The following ABCC2 variants were observed in gnomAD, a reference collection of about 807,000 sequenced individuals.
ABCC2 encodes the protein ATP-binding cassette sub-family C member 2.
Under a neutral mutation model 173.4 loss-of-function variants are expected in ABCC2, and 157 were observed. The observed-to-expected ratio is 0.91, with a 90% CI of 0.80 to 1.03. The LOEUF is 1.03. Among genes scored for constraint, ABCC2 ranks in the 50% least tolerant of loss-of-function variants. The pLI, the probability that ABCC2 is intolerant of heterozygous loss-of-function variation, is 0.00. For missense variants in ABCC2, 1,822 were observed against 1,852.3 expected (o/e 0.98, Z 0.30); for synonymous variants, 657 against 693.5 (o/e 0.95, Z 0.83).
chr10:99,803,965 T>C (rs2038053342), intron 9 of ABCC2, 54 bp from the exon 10 acceptor site: 5 of 1,610,810 alleles, frequency 3.1e-6, no homozygotes, highest in Middle Eastern at 3.5e-4. Context: ...CCTCTTCTAC[T>C]CCCTAGTATC....
chr10:99,836,036 ATGG>A (rs1261922825), intron 24 of ABCC2, 52 bp from the exon 25 acceptor site: 1 of 1,565,084 alleles, frequency 6.4e-7, no homozygotes, highest in African/African-American at 1.4e-5. Flanking sequence ...AAGGAGGAAG[ATGG>A]TGGATGCCTC....
At chr10:99,801,451 T>C (rs192868706) in intron 9 of ABCC2, among the ~76,000 whole-genome samples, 3 of 152,154 alleles carry the variant, frequency 2.0e-5, no homozygotes, top group African/African-American at 7.2e-5. Flanking sequence ...TTAGCCAGGA[T>C]GGTCTCGATC....
chr10:99,842,199 G>C (rs746131124), intron 26 of ABCC2, 106 bp downstream of exon 26: 166 of 1,519,426 alleles, frequency 1.1e-4, no homozygotes, highest in Non-Finnish European at 1.5e-4. Context: ...TAAACCCAGA[G>C]GGACTAAAGA....
intron 19 of ABCC2, among the ~76,000 whole-genome samples, chr10:99,825,951 C>G (rs2038631446): frequency 6.6e-6 from 1 of 152,176 alleles, no homozygotes; most frequent in African/African-American, 2.4e-5. Flanking sequence ...TGGGAATGCC[C>G]CAGTTTGTTG....
At chr10:99,824,150 G>A (rs1424977524) in intron 19 of ABCC2, among the ~76,000 whole-genome samples, 6 of 151,830 alleles carry the variant, frequency 4.0e-5, no homozygotes, top group East Asian at 1.9e-4. Context: ...TACTATTTAC[G>A]TCTGAGTCTC....
At position 99,810,178 on chromosome 10, in the gene ABCC2, T is replaced by A. The variant is rs141413284; in HGVS notation, c.1860T>A (p.Asp620Glu). The change falls in exon 14 of 32, where the codon GAT becomes GAA. Residue 620 changes from aspartate (D) to glutamate (E), a missense_variant. Asp to Glu is a conservative substitution (Grantham distance 45). Coordinates refer to ENST00000647814, the MANE Select transcript of ABCC2 (RefSeq NM_000392.5). ...TERLEKYLGG[D>E]DLDTSAIRHD... ...GGCTAGAGAAGTACTTGGGAGGGGATGACTTGGACACATCTGCCATTCGAC... is the reference window on the plus strand; with the variant it reads ...GGCTAGAGAAGTACTTGGGAGGGGAAGACTTGGACACATCTGCCATTCGAC... 1.1e-3 allele frequency: 1,755 copies of A among 1,613,660 alleles called. 1 individual carries two copies. The highest frequency in any genetic ancestry group is 1.4e-3 in the Non-Finnish European group (1,629 of 1,179,612).
chr10:99,833,933 A>G (rs1366732779), intron 23 of ABCC2, among the ~76,000 whole-genome samples: 1 of 152,184 alleles, frequency 6.6e-6, no homozygotes, highest in East Asian at 1.9e-4. Context: ...GCAACATGGC[A>G]GTAAGACACA....
intron 16 of ABCC2, among the ~76,000 whole-genome samples, chr10:99,814,333 A>G (rs185645111): frequency 2.1e-5 from 3 of 142,520 alleles, no homozygotes; most frequent in Non-Finnish European, 4.7e-5. Context: ...ATGTATACAC[A>G]CATGTATATA....
Position 99,830,730 on chromosome 10 carries a change from G to A in ABCC2, c.2762G>A (p.Gly921Asp). Residue 921 changes from glycine (G) to aspartate (D), a missense_variant, in exon 21 of 32, where the codon GGC (glycine) becomes GAC (aspartate). By Grantham distance (94) the Gly-to-Asp change is moderately conservative. Coordinates refer to ENST00000647814, the MANE Select transcript of ABCC2 (RefSeq NM_000392.5). ...RTLSRSSRSN[G>D]RHLKSLRNSL... Reference sequence around the variant, plus strand: ...CCCTCTCTCAGTTCTAGGTCCAATGGCAGGCATCTGAAGTCCCTGAGAAAC... The same window carrying A: ...CCCTCTCTCAGTTCTAGGTCCAATGACAGGCATCTGAAGTCCCTGAGAAAC... 6.2e-7 allele frequency: 1 copy of A among 1,614,086 alleles called. No homozygotes were observed. Among genetic ancestry groups the A allele is most frequent in the Non-Finnish European group, 8.5e-7 (1 of 1,180,018 alleles).
chr10:99,831,851 A>G (rs747957629), intron 22 of ABCC2, 21 bp downstream of exon 22: 16 of 1,613,396 alleles, frequency 9.9e-6, no homozygotes, highest in Non-Finnish European at 1.2e-5. Flanking sequence ...TGGCTATGAC[A>G]TCTTACAGAA....
At chr10:99,848,397 A>G (rs1056751042) in intron 30 of ABCC2, among the ~76,000 whole-genome samples, 2 of 152,132 alleles carry the variant, frequency 1.3e-5, no homozygotes, top group African/African-American at 4.8e-5. Flanking sequence ...TTCCTTCCAC[A>G]CACTGAAGTT....
At chr10:99,847,151 C>T (rs759678901) in intron 30 of ABCC2, 24 bp downstream of exon 30, 210 of 1,612,972 alleles carry the variant, frequency 1.3e-4, no homozygotes, top group Non-Finnish European at 1.6e-4. Context: ...GCCTGCTACC[C>T]CTGCAGGCAA....
chr10:99,822,429 G>C (rs2038554962), intron 19 of ABCC2, among the ~76,000 whole-genome samples: 1 of 151,378 alleles, frequency 6.6e-6, no homozygotes, highest in Admixed American at 6.6e-5. Context: ...CTCGACTGTG[G>C]TGTCTCCGTC....
Position 99,830,802 on chromosome 10 carries a change from T to C in ABCC2, c.2834T>C (p.Leu945Pro). 6.2e-7 allele frequency: 1 copy of C among 1,614,056 alleles called. No homozygotes were observed. Among genetic ancestry groups the C allele is most frequent in the Non-Finnish European group, 8.5e-7 (1 of 1,179,988 alleles). ...NVNSLKEDEE[L>P]VKGQKLIKKE... Reference sequence around the variant, plus strand: ...AATAGCCTGAAGGAAGACGAAGAACTAGTGAAAGGACAAAAACTAATTAAG... The same window carrying C: ...AATAGCCTGAAGGAAGACGAAGAACCAGTGAAAGGACAAAAACTAATTAAG... The change falls in exon 21 of 32, where the codon CTA becomes CCA. Residue 945 changes from leucine (L) to proline (P), a missense_variant. Physicochemically the swap from Leu to Pro is moderately conservative, Grantham distance 98. Transcript: ENST00000647814.
intron 12 of ABCC2, 51 bp from the exon 13 acceptor site, chr10:99,808,032 G>A (rs1190097597): frequency 1.9e-6 from 3 of 1,602,880 alleles, no homozygotes; most frequent in Admixed American, 3.3e-5. Context: ...TTAGCACAAT[G>A]CTGCTTGGTC....
intron 28 of ABCC2, among the ~76,000 whole-genome samples, chr10:99,845,021 A>G (rs2038997777): frequency 6.6e-6 from 1 of 151,282 alleles, no homozygotes; most frequent in African/African-American, 2.4e-5. Context: ...TTTTTTCTTT[A>G]TTTTTATTTA....
chr10:99,844,019 C>A (rs756228947), intron 27 of ABCC2, 119 bp downstream of exon 27: 2 of 947,786 alleles, frequency 2.1e-6, no homozygotes, highest in East Asian at 2.4e-5. Flanking sequence ...CCTAAAGTTT[C>A]CTTTCCTCTA....
Position 99,819,183 on chromosome 10 carries a change from A to C in ABCC2, c.2534A>C (p.Tyr845Ser). ...GNGTIVEKGS[Y>S]SALLAKKGEF... ...GGAACAATTGTAGAGAAAGGATCCT[A>C]CAGTGCTCTCCTGGCCAAAAAAGGA... Residue 845 changes from tyrosine (Y) to serine (S), a missense_variant, in exon 19 of 32, where the codon TAC becomes TCC. Tyr to Ser is a moderately radical substitution (Grantham distance 144). Coordinates refer to ENST00000647814, the MANE Select transcript of ABCC2 (RefSeq NM_000392.5). 2 of 1,614,156 alleles carry C rather than the reference A, an allele frequency of 1.2e-6. No homozygotes were observed. Among genetic ancestry groups the C allele is most frequent in the Non-Finnish European group, 1.7e-6 (2 of 1,180,002 alleles).
At chr10:99,783,066 A>G (rs2037642392) in intron 1 of ABCC2, among the ~76,000 whole-genome samples, 189 bp downstream of exon 1, 1 of 152,218 alleles carries the variant, frequency 6.6e-6, no homozygotes, top group African/African-American at 2.4e-5. Context: ...ATGTAATGCA[A>G]ATTATTCTCT....
Sources: gnomAD v4.1 joint callset for allele counts (sites outside exome capture counted in the v4.1 genomes callset) on GRCh38, gnomAD v4.1.1 for gene constraint, MANE v1.5 for transcripts, NCBI Gene and HGNC (gene_info 2026-07-23, HGNC 2026-07-21) for gene names.